CARMIL3: variants seen among roughly 807,000 people sequenced by gnomAD.
The protein encoded by CARMIL3 is capping protein, Arp2/3 and myosin-I linker protein 3.
A neutral mutation model predicts 180.8 loss-of-function variants in CARMIL3; 88 were observed. The observed-to-expected ratio is 0.49, with a 90% CI of 0.41 to 0.58. CARMIL3 has a LOEUF of 0.58. CARMIL3 is among the 20% of genes least tolerant of loss of function. The probability of loss-of-function intolerance (pLI) is 0.00; values close to 1 mark genes in which losing one functional copy is unlikely to be tolerated. For missense variants in CARMIL3, 1,548 were observed against 1,787.0 expected, an observed-to-expected ratio of 0.87 and a Z score of 2.41; for synonymous variants, 696 against 714.5, an observed-to-expected ratio of 0.97 and a Z score of 0.41.
In CARMIL3 at chr14:24,052,331, T is replaced by TC; in HGVS notation, c.40+138_40+139insC. 3.6e-6 allele frequency: 3 copies of TC among 835,336 alleles called. No individual in the cohort carries two copies. The South Asian group carries it at 6.1e-5, about 17-fold the overall frequency. The allele number at this position is 835,336 out of a possible 1,614,324, so 51.7% of individuals were successfully genotyped here. The stretch of plus-strand genomic sequence containing the variant: ...TCCTGGCTCCAAGGCAGCCCCTGCA[T>TC]TCCAGTCCGGGCATCGCTGTCCCCG... On this transcript the variant is annotated intron_variant, in intron 1 of 39. Coordinates refer to ENST00000342740, the MANE Select transcript of CARMIL3 (RefSeq NM_138360.4).
rs924396742 is a variant in CARMIL3, at chr14:24,065,085, C to T, written c.3208C>T (p.Pro1070Ser). 2 of 1,582,502 alleles carry T rather than the reference C, an allele frequency of 1.3e-6. No homozygotes were observed. Among genetic ancestry groups the T allele is most frequent in the Non-Finnish European group, 1.7e-6 (2 of 1,167,430 alleles). Residue 1070 changes from proline to serine, a missense_variant, in exon 33 of 40, where the codon CCG becomes TCG. Physicochemically the swap from Pro to Ser is moderately conservative, Grantham distance 74. Coordinates refer to ENST00000342740, the MANE Select transcript of CARMIL3 (RefSeq NM_138360.4). ...RPRSFKGDRG[P>S]GSPTTGLLLP... ...CCGGAGCTTCAAGGGGGACAGGGGG[C>T]CGGGGTCCCCTACCACTGGACTCCT...
chr14:24,059,748 TC>T lies in CARMIL3; in HGVS notation c.1868+18del, dbSNP rs759278612. On this transcript the variant is annotated intron_variant, in intron 22 of 39. Transcript: ENST00000342740. This position sits in a 1 kb window ranked among gnomAD's most constrained non-coding sequence, Gnocchi z 6.3. ...CCCTGGAGAGGTGAGTAGACCATGG[TC>T]CTGCCCTGATCCAAGTCCCCAGCCT... The T allele has an allele frequency of 6.2e-7, 1 of 1,613,420 alleles. No homozygotes were observed. Among genetic ancestry groups the T allele is most frequent in the South Asian group, 1.1e-5 (1 of 91,002 alleles).
At chr14:24,056,801 CCT>C in intron 12 of CARMIL3, 93 bp downstream of exon 12, 1 of 1,509,884 alleles carries the variant, frequency 6.6e-7, no homozygotes, top group Non-Finnish European at 9.2e-7. Context: ...TCACACACCA[CCT>C]CAGGGATGGA....
In CARMIL3 at chr14:24,062,804, T is replaced by C; in HGVS notation, c.2664T>C (p.His888=). ...CCTCCCGGGGCCGAGGCCGGAACCA[T>C]GACCATGAGGAGACCACAGATGATG... ...DLSSRGRGRN[H]DHEETTDDEL... is the part of the protein sequence containing the mutation. Residue 888 remains histidine (H), a synonymous_variant, in exon 29 of 40, where the codon CAT becomes CAC. Coordinates refer to ENST00000342740, the MANE Select transcript of CARMIL3 (RefSeq NM_138360.4). 6.2e-7 allele frequency: 1 copy of C among 1,613,678 alleles called. No homozygotes were observed. The highest frequency in any genetic ancestry group is 8.5e-7 in the Non-Finnish European group (1 of 1,179,808).
Position 24,059,386 on chromosome 14 carries a change from G to A in CARMIL3, c.1743G>A (p.Met581Ile), listed in dbSNP as rs1326286773. ...LAKVDLSGNG[M>I]EDIGAKMLSK... ...AGGTGGATCTGAGCGGCAATGGCAT[G>A]GAGGACATCGGGGCCAAGATGCTGT... Residue 581 changes from methionine to isoleucine, a missense_variant, in exon 21 of 40, where the codon ATG becomes ATA. Met to Ile is a conservative substitution (Grantham distance 10, BLOSUM62 1). Transcript: ENST00000342740. The surrounding 1 kb of genome is among the most constrained non-coding windows in gnomAD (Gnocchi z 6.3). 2 of 1,609,992 alleles carry A rather than the reference G, an allele frequency of 1.2e-6. No homozygotes were observed. The highest frequency in any genetic ancestry group is 2.2e-5 in the East Asian group (1 of 44,548).
chr14:24,056,557 ACTCTGTGC>A, intron 11 of CARMIL3, 57 bp from the exon 12 acceptor site: 1 of 1,557,844 alleles, frequency 6.4e-7, no homozygotes, highest in Non-Finnish European at 8.8e-7. Flanking sequence ...CCCCAACCTG[ACTCTGTGC>A]CACCTGCACC....
Position 24,053,661 on chromosome 14 carries a change from G to A in CARMIL3, c.41-48G>A, listed in dbSNP as rs200868731. Reference sequence around the variant, plus strand: ...ATCTGGAGAGCTCTGGGAGGTGGGGGTGGCCAGGGTAAGGTGAAGCTCTGA... The same window carrying A: ...ATCTGGAGAGCTCTGGGAGGTGGGGATGGCCAGGGTAAGGTGAAGCTCTGA... On this transcript the variant is annotated intron_variant, in intron 1 of 39. Transcript: ENST00000342740. 2,337 of 1,436,222 alleles carry A rather than the reference G, an allele frequency of 1.6e-3. 2 individuals are homozygous for A. Among genetic ancestry groups the A allele is most frequent in the Non-Finnish European group, 2.0e-3 (2,130 of 1,040,840 alleles). The allele number at this position is 1,436,222 out of a possible 1,614,324, so 89.0% of individuals were successfully genotyped here. A position where few individuals can be genotyped will look rare whatever the true frequency, so the allele number is the denominator to read the frequency against.
chr14:24,056,723 G>C lies in CARMIL3; in HGVS notation c.952+15G>C. ...TTCCCCTCGAGGTACTCGCACCAAG[G>C]ACCCCTGACCTCTGACCCTACCCTG... On this transcript the variant is annotated intron_variant, in intron 12 of 39. Transcript: ENST00000342740. 1 of 1,611,100 alleles carries C rather than the reference G, an allele frequency of 6.2e-7. No individual in the cohort carries two copies.
chr14:24,057,094 T>C, intron 13 of CARMIL3, 70 bp downstream of exon 13: 2 of 1,591,472 alleles, frequency 1.3e-6, no homozygotes, highest in Non-Finnish European at 1.7e-6. Flanking sequence ...GGAGGCCTTC[T>C]GCCCCATGGC....
chr14:24,058,272 AT>A lies in CARMIL3; in HGVS notation c.1392+51del. On this transcript the variant is annotated intron_variant, in intron 17 of 39. Coordinates refer to ENST00000342740, the MANE Select transcript of CARMIL3 (RefSeq NM_138360.4). The surrounding 1 kb of genome is among the most constrained non-coding windows in gnomAD (Gnocchi z 6.4). ...CTCTGCCCGCCTCCGATCCATGTGC[AT>A]TTCTCAGACCTAAGTCAAACCCTGG... is the stretch of plus-strand genomic sequence containing the variant. 6.3e-7 allele frequency: 1 copy of A among 1,577,904 alleles called. No individual in the cohort carries two copies. The highest frequency in any genetic ancestry group is 8.6e-7 in the Non-Finnish European group (1 of 1,159,972).
intron 36 of CARMIL3, 116 bp downstream of exon 36, chr14:24,066,772 T>A (rs2035791618): frequency 9.7e-7 from 1 of 1,025,888 alleles, no homozygotes; most frequent in African/African-American, 1.6e-5. Context: ...CAGTGAGAAG[T>A]CAACACAGTG....
At chr14:24,064,424 T>C in intron 32 of CARMIL3, 78 bp downstream of exon 32, 1 of 1,081,246 alleles carries the variant, frequency 9.2e-7, no homozygotes, top group Non-Finnish European at 1.4e-6. Context: ...CCAGCTCCCA[T>C]GGGAGTCTCC....
rs758355583 is a variant in CARMIL3, at chr14:24,055,269, C to A, written c.564C>A (p.Asn188Lys). Reference sequence around the variant, plus strand: ...ACACCATCTACCATGCTGAAGATAACCGGGAGTTCAATCTTTTGGATTTCA... The same window carrying A: ...ACACCATCTACCATGCTGAAGATAAACGGGAGTTCAATCTTTTGGATTTCA... Reference protein sequence around the residue: ...DVDTIYHAEDNREFNLLDFSH... With the variant: ...DVDTIYHAEDKREFNLLDFSH... Residue 188 changes from asparagine (N) to lysine (K), a missense_variant, in exon 8 of 40, where the codon AAC becomes AAA. Asn to Lys is a moderately conservative substitution (Grantham distance 94). Coordinates refer to ENST00000342740, the MANE Select transcript of CARMIL3 (RefSeq NM_138360.4). 20 of 1,614,170 alleles carry A rather than the reference C, an allele frequency of 1.2e-5. No homozygotes were observed. Among genetic ancestry groups the A allele is most frequent in the Non-Finnish European group, 8.5e-7 (1 of 1,180,034 alleles).
intron 1 of CARMIL3, among the ~76,000 whole-genome samples, chr14:24,052,584 G>C (rs2138684589): frequency 6.6e-6 from 1 of 152,298 alleles, no homozygotes; most frequent in African/African-American, 2.4e-5. Context: ...AGCTGCCCCT[G>C]GTCCTGACCG....
At chr14:24,057,690 G>T in intron 14 of CARMIL3, 113 bp from the exon 15 acceptor site, 1 of 880,888 alleles carries the variant, frequency 1.1e-6, no homozygotes, top group South Asian at 1.4e-5. Flanking sequence ...CACACAGGCT[G>T]ACCACAGAGA....
chr14:24,056,422 A>G, intron 11 of CARMIL3, 29 bp downstream of exon 11: 2 of 1,599,974 alleles, frequency 1.3e-6, no homozygotes, highest in South Asian at 1.1e-5. Context: ...TCCTGTCCCC[A>G]TCCCAATGCA....
Position 24,069,385 on chromosome 14 carries a change from G to T in CARMIL3, c.4100G>T (p.Ser1367Ile), listed in dbSNP as rs749110877. The T allele has an allele frequency of 3.7e-6, 6 of 1,614,022 alleles. No homozygotes were observed. The Admixed American group carries it at 6.7e-5, about 18-fold the overall frequency. The stretch of plus-strand genomic sequence containing the variant: ...CTGGATTTGTCCCCAGCAGGAACCA[G>T]TGAGCCAGGAACAGACTGACAACTG... The part of the protein sequence containing the change: ...RRRPPDPTGT[S>I]EPGTD Residue 1367 changes from serine to isoleucine, a missense_variant, in exon 40 of 40, where the codon AGT becomes ATT. Coordinates refer to ENST00000342740, the MANE Select transcript of CARMIL3 (RefSeq NM_138360.4).
At position 24,057,820 on chromosome 14, in the gene CARMIL3, C is replaced by T. The variant is rs763924817; in HGVS notation, c.1158C>T (p.Leu386=). The T allele has an allele frequency of 2.5e-6, 4 of 1,610,512 alleles. No individual in the cohort carries two copies. Among genetic ancestry groups the T allele is most frequent in the Non-Finnish European group, 3.4e-6 (4 of 1,179,726 alleles). Residue 386 remains leucine (L), a synonymous_variant, in exon 15 of 40, where the codon CTC becomes CTT. Coordinates refer to ENST00000342740, the MANE Select transcript of CARMIL3 (RefSeq NM_138360.4). ...CCCCACAGCTTCTCGGTGCCCTGCTCCACGGCTGCTGCTCCCACCTCACCT... is the reference window on the plus strand; with the variant it reads ...CCCCACAGCTTCTCGGTGCCCTGCTTCACGGCTGCTGCTCCCACCTCACCT... The part of the protein sequence containing the change: ...CVIDLLLGAL[L]HGCCSHLTYL...
At chr14:24,068,289 C>T (rs1287543483) in intron 36 of CARMIL3, among the ~76,000 whole-genome samples, 2 of 151,462 alleles carry the variant, frequency 1.3e-5, no homozygotes, top group African/African-American at 4.9e-5. Flanking sequence ...CCCAGTTGTT[C>T]GGGAGGCTGA....
Sources: allele counts gnomAD v4.1 joint callset (sites outside exome capture counted in the v4.1 genomes callset), GRCh38; gene constraint gnomAD v4.1.1; non-coding constraint Gnocchi (gnomAD v3.1); transcripts MANE v1.5; gene names NCBI Gene and HGNC (gene_info 2026-07-23, HGNC 2026-07-21).